PCNT: variants seen among roughly 807,000 people sequenced by gnomAD.
PCNT encodes pericentrin, also known as kendrin.
A neutral mutation model predicts 380.4 loss-of-function variants in PCNT; 319 were observed. That is an observed-to-expected ratio of 0.84 (90% confidence interval 0.77 to 0.92). PCNT has a LOEUF of 0.92. Ranked by LOEUF, PCNT falls within the 40% of genes least tolerant of loss-of-function variation. PCNT has a pLI of 0.00. For missense variants in PCNT, 4,400 were observed against 4,255.3 expected, an observed-to-expected ratio of 1.03 and a Z score of -0.95; for synonymous variants, 1,845 against 1,735.2, an observed-to-expected ratio of 1.06 and a Z score of -1.57.
At chr21:46,378,249 A>G (rs1323731559) in intron 15 of PCNT, among the ~76,000 whole-genome samples, 3 of 151,972 alleles carry the variant, frequency 2.0e-5, no homozygotes, top group Admixed American at 6.6e-5. Flanking sequence ...TTGTCTATAC[A>G]TACCTGTCAT....
In PCNT at chr21:46,416,362, C is replaced by CTA. The variant is rs2087026679; in HGVS notation, c.6444_6445insTA (p.Ala2149Ter). On this transcript the variant is annotated frameshift_variant, in exon 30 of 47. Transcript: ENST00000359568. LOFTEE classifies it high-confidence loss of function. ...ATGTTATCAAAAATCAGGCCATAGA[C>CTA]GCGTGTGATGCCAATACAACCCCAG... 1 of 1,613,960 alleles carries CTA rather than the reference C, an allele frequency of 6.2e-7. No individual in the cohort carries two copies. The highest frequency in any genetic ancestry group is 8.5e-7 in the Non-Finnish European group (1 of 1,179,994).
intron 39 of PCNT, 56 bp downstream of exon 39, chr21:46,436,204 C>T (rs1295801385): frequency 1.1e-5 from 18 of 1,593,370 alleles, no homozygotes; most frequent in Non-Finnish European, 1.4e-5. Flanking sequence ...CCCTCTGTCC[C>T]AGACCCGGCC....
intron 27 of PCNT, among the ~76,000 whole-genome samples, chr21:46,409,132 A>G (rs950977288): frequency 1.4e-4 from 21 of 150,144 alleles, no homozygotes; most frequent in East Asian, 5.9e-4. Flanking sequence ...TTTTCTCCCA[A>G]TGTATGGCTG....
chr21:46,335,532 A>G (rs773479611), intron 3 of PCNT, among the ~76,000 whole-genome samples: 1 of 151,972 alleles, frequency 6.6e-6, no homozygotes, highest in Non-Finnish European at 1.5e-5. Context: ...CTCTCTACTA[A>G]AAATACAAAA....
chr21:46,399,628 T>C lies in PCNT; in HGVS notation c.4623T>C (p.Asp1541=), dbSNP rs1375936767. ...AACAAAAGTTGAGAGAAAAGTTGGA[T>C]GAATTTAATGAATTGGCTATACAGA... ...LLQQKLREKL[D]EFNELAIQKE... Residue 1541 remains aspartate, a synonymous_variant, in exon 25 of 47, where the codon GAT becomes GAC. Coordinates refer to ENST00000359568, the MANE Select transcript of PCNT (RefSeq NM_006031.6). 2 of 1,613,940 alleles carry C rather than the reference T, an allele frequency of 1.2e-6. No individual in the cohort carries two copies. Among genetic ancestry groups the C allele is most frequent in the Non-Finnish European group, 1.7e-6 (2 of 1,179,784 alleles).
Position 46,388,358 on chromosome 21 carries a change from G to A in PCNT, c.3465-384G>A, listed in dbSNP as rs1259391389. Among the ~76,000 whole-genome samples, 1 of 152,232 alleles carries A rather than the reference G, an allele frequency of 6.6e-6. No homozygotes were observed. The highest frequency in any genetic ancestry group is 2.4e-5 in the African/African-American group (1 of 41,466). ...TGTTGGACAGACATCTTGTGAAATG[G>A]CTGGCTGGTGCACCCTGTGCTCCAG... On this transcript the variant is annotated intron_variant, in intron 17 of 46. Coordinates refer to ENST00000359568, the MANE Select transcript of PCNT (RefSeq NM_006031.6). This position sits in a 1 kb window ranked among gnomAD's most constrained non-coding sequence, Gnocchi z 4.2.
intron 44 of PCNT, 23 bp from the exon 45 acceptor site, chr21:46,443,787 G>A (rs1451647206): frequency 5.0e-6 from 8 of 1,612,952 alleles, no homozygotes; most frequent in African/African-American, 4.0e-5. Context: ...TAATCCCTTG[G>A]TTGTTAAATA....
intron 38 of PCNT, among the ~76,000 whole-genome samples, chr21:46,435,657 C>A (rs893475974): frequency 6.6e-6 from 1 of 152,074 alleles, no homozygotes; most frequent in African/African-American, 2.4e-5. Flanking sequence ...ATTCTCCTGC[C>A]TCATCCTCTC....
At position 46,430,494 on chromosome 21, in the gene PCNT, T is replaced by C. The variant is rs373126441; in HGVS notation, c.7914-13T>C. ...CCCACGTGGTCAGATTGTTCTGCGATGTCTCCACGCAGATCCATGCTGAGC... is the reference window on the plus strand; with the variant it reads ...CCCACGTGGTCAGATTGTTCTGCGACGTCTCCACGCAGATCCATGCTGAGC... On this transcript the variant is annotated splice_polypyrimidine_tract_variant and intron_variant, in intron 36 of 46. Transcript: ENST00000359568. 7.0e-5 allele frequency: 108 copies of C among 1,550,202 alleles called. No homozygotes were observed. Among genetic ancestry groups the C allele is most frequent in the Middle Eastern group, 4.4e-4 (2 of 4,590 alleles).
rs778334017 is a variant in PCNT at position 46,430,581 on chromosome 21, G to C, written c.7988G>C (p.Arg2663Pro). The change falls in exon 37 of 47, where the codon CGT becomes CCT. Residue 2663 changes from arginine to proline, a missense_variant. Arg to Pro is a moderately radical substitution (Grantham distance 103). Transcript: ENST00000359568. ...CTGGAGAGTGAGCAGGGGAAGGGGCGTGCCCTGCAGAGCCAGCTGGAGGAG... is the reference window on the plus strand; with the variant it reads ...CTGGAGAGTGAGCAGGGGAAGGGGCCTGCCCTGCAGAGCCAGCTGGAGGAG... ...QELESEQGKG[R>P]ALQSQLEEEQ... The C allele has an allele frequency of 2.6e-6, 4 of 1,562,874 alleles. No homozygotes were observed. Among genetic ancestry groups the C allele is most frequent in the Non-Finnish European group, 3.5e-6 (4 of 1,154,152 alleles).
At chr21:46,362,198 CG>C (rs141465227) in intron 13 of PCNT, among the ~76,000 whole-genome samples, 7,115 of 152,242 alleles carry the variant, frequency 0.047, 218 homozygotes, top group Non-Finnish European at 0.063. Context: ...ATGTACAGAT[CG>C]GGGTCAGCCT....
intron 21 of PCNT, among the ~76,000 whole-genome samples, chr21:46,396,725 T>G (rs2086221812): frequency 6.6e-6 from 1 of 152,074 alleles, no homozygotes; most frequent in Non-Finnish European, 1.5e-5. Context: ...TGCCTCAGCC[T>G]CCCGAGTAGC....
At chr21:46,330,256 T>A (rs2083515321) in intron 2 of PCNT, among the ~76,000 whole-genome samples, 1 of 152,168 alleles carries the variant, frequency 6.6e-6, no homozygotes, top group Non-Finnish European at 1.5e-5. Context: ...TACCTGGGAC[T>A]ACAGGCATGT....
chr21:46,341,972 C>T (rs1382537953), intron 3 of PCNT, among the ~76,000 whole-genome samples: 1 of 151,040 alleles, frequency 6.6e-6, no homozygotes, highest in Non-Finnish European at 1.5e-5. Context: ...GATGGAGTCC[C>T]GCTCTGTTGC....
chr21:46,383,239 C>G (rs2085654626), intron 16 of PCNT, among the ~76,000 whole-genome samples: 1 of 146,556 alleles, frequency 6.8e-6, no homozygotes, highest in East Asian at 2.1e-4. Flanking sequence ...AGCGCATTCA[C>G]AGTGTTGTAT....
chr21:46,406,427 A>G (rs2086624220), intron 27 of PCNT, among the ~76,000 whole-genome samples: 1 of 152,150 alleles, frequency 6.6e-6, no homozygotes, highest in African/African-American at 2.4e-5. Context: ...ATAATTATCT[A>G]GTTGTTTACC....
At position 46,357,161 on chromosome 21, in the gene PCNT, T is replaced by C. The variant is rs373633614; in HGVS notation, c.2124T>C (p.His708=). The part of the protein sequence containing the change: ...ENRNLYGKLQ[H]ETRLKDDLEK... ...GAAATTTGTATGGGAAGTTGCAGCA[T>C]GAAACTCGTCTGAAGGACGATTTGG... The change falls in exon 13 of 47, where the codon CAT becomes CAC. Residue 708 remains histidine (H), a synonymous_variant. Coordinates refer to ENST00000359568, the MANE Select transcript of PCNT (RefSeq NM_006031.6). The C allele has an allele frequency of 6.2e-7, 1 of 1,613,680 alleles. No individual in the cohort carries two copies. Among genetic ancestry groups the C allele is most frequent in the Non-Finnish European group, 8.5e-7 (1 of 1,179,526 alleles).
intron 27 of PCNT, among the ~76,000 whole-genome samples, chr21:46,406,617 A>G (rs937809361): frequency 3.4e-4 from 52 of 152,324 alleles, no homozygotes; most frequent in Non-Finnish European, 5.4e-4. Context: ...TACAATGTCT[A>G]GCACTCCCAG....
At chr21:46,370,914 A>G (rs1041839381) in intron 15 of PCNT, among the ~76,000 whole-genome samples, 3 of 152,210 alleles carry the variant, frequency 2.0e-5, no homozygotes, top group Non-Finnish European at 4.4e-5. Context: ...GGGCGCCTGT[A>G]GTCCCAGCTA....
Sources: allele counts gnomAD v4.1 joint callset (sites outside exome capture counted in the v4.1 genomes callset), GRCh38; gene constraint gnomAD v4.1.1; non-coding constraint Gnocchi (gnomAD v3.1); transcripts MANE v1.5; gene names NCBI Gene and HGNC (gene_info 2026-07-23, HGNC 2026-07-21).